Variants in SHPRH observed in about 807,000 individuals in gnomAD.
SHPRH encodes E3 ubiquitin-protein ligase SHPRH.
Under a neutral mutation model 202.5 loss-of-function variants are expected in SHPRH, and 106 were observed. The ratio of observed to expected loss-of-function variants is 0.52; its 90% CI spans 0.45 to 0.62. SHPRH has a LOEUF of 0.62. Ranked by LOEUF, SHPRH falls within the 20% of genes least tolerant of loss-of-function variation. The probability of loss-of-function intolerance (pLI) is 0.00; values close to 1 mark genes in which losing one functional copy is unlikely to be tolerated. For missense variants in SHPRH, 1,710 were observed against 2,020.0 expected (o/e 0.85, Z 2.94); for synonymous variants, 729 against 686.0 (o/e 1.06, Z -0.98).
At chr6:145,929,096 A>G (rs190387759) in intron 14 of SHPRH, among the ~76,000 whole-genome samples, 5 of 152,026 alleles carry the variant, frequency 3.3e-5, no homozygotes, top group African/African-American at 1.2e-4. Context: ...AAGCAGCTGA[A>G]TTTTATCTAT....
At chr6:145,900,595 ACAT>A (rs1782413549) in intron 25 of SHPRH, among the ~76,000 whole-genome samples, 1 of 152,138 alleles carries the variant, frequency 6.6e-6, no homozygotes, top group South Asian at 2.1e-4. Flanking sequence ...TGACTACAGT[ACAT>A]AATAATGTAT....
intron 23 of SHPRH, among the ~76,000 whole-genome samples, chr6:145,916,452 T>G (rs2128744188): frequency 6.6e-6 from 1 of 152,234 alleles, no homozygotes; most frequent in Non-Finnish European, 1.5e-5. Flanking sequence ...TTTCCATTGG[T>G]AATGCATAAA....
chr6:145,900,840 G>A (rs1215852171), intron 25 of SHPRH, among the ~76,000 whole-genome samples: 1 of 152,018 alleles, frequency 6.6e-6, no homozygotes, highest in Non-Finnish European at 1.5e-5. Flanking sequence ...TAAATATGCT[G>A]TATTGTGATT....
intron 25 of SHPRH, chr6:145,904,817 AATTT>A (rs769046034): frequency 6.6e-6 from 1 of 152,106 alleles, no homozygotes; most frequent in South Asian, 2.1e-4. Flanking sequence ...CTATAAACTT[AATTT>A]TTTTTAAAAG....
In SHPRH at chr6:145,919,342, AATT is replaced by A. The variant is rs1366454212; in HGVS notation, c.4152+3_4152+5del. On this transcript the variant is annotated splice_donor_5th_base_variant and intron_variant, in intron 22 of 29. Coordinates refer to ENST00000275233, the MANE Select transcript of SHPRH (RefSeq NM_001042683.3). ...TTCCCTTTTCTGTGATTTACTTGCC[AATT>A]ACCTCATGTGGTTCAATGATATGAA... 1.2e-6 allele frequency: 2 copies of A among 1,612,270 alleles called. No homozygotes were observed. Among genetic ancestry groups the A allele is most frequent in the Non-Finnish European group, 1.7e-6 (2 of 1,179,010 alleles).
At chr6:145,888,796 GTGGA>G (rs1781333451) in intron 28 of SHPRH, among the ~76,000 whole-genome samples, 1 of 152,174 alleles carries the variant, frequency 6.6e-6, no homozygotes, top group Admixed American at 6.5e-5. Context: ...GTAAGTAAGG[GTGGA>G]TGCACTATGG....
intron 23 of SHPRH, among the ~76,000 whole-genome samples, chr6:145,915,424 T>C (rs548539407): frequency 6.6e-6 from 1 of 152,030 alleles, no homozygotes; most frequent in East Asian, 1.9e-4. Flanking sequence ...GAAATAATTT[T>C]CCTTCCATCC....
intron 2 of SHPRH, chr6:145,876,827 C>T (rs747331533): frequency 2.6e-5 from 4 of 152,062 alleles, no homozygotes; most frequent in East Asian, 3.9e-4. Flanking sequence ...GCTCTAATCC[C>T]GTATGAATAG....
At chr6:145,938,162 C>T (rs1786322830) in intron 11 of SHPRH, among the ~76,000 whole-genome samples, 1 of 152,082 alleles carries the variant, frequency 6.6e-6, no homozygotes, top group African/African-American at 2.4e-5. Context: ...TTATATGTGA[C>T]TCAGTCATGA....
downstream of SHPRH, chr6:145,884,804 C>T (rs1023720002): frequency 6.6e-6 from 1 of 152,056 alleles, no homozygotes; most frequent in African/African-American, 2.4e-5. Context: ...AAGAATTCCA[C>T]AATTTTCATT....
At chr6:145,936,801 G>C (rs1582761896) in intron 11 of SHPRH, among the ~76,000 whole-genome samples, 1 of 152,132 alleles carries the variant, frequency 6.6e-6, no homozygotes, top group African/African-American at 2.4e-5. Context: ...GTTGCTGGGA[G>C]TTAGCAACAT....
At chr6:145,916,744 T>C (rs151149509) in intron 23 of SHPRH, among the ~76,000 whole-genome samples, 1 of 152,266 alleles carries the variant, frequency 6.6e-6, no homozygotes, top group African/African-American at 2.4e-5. Context: ...AAATCTTACA[T>C]TTAAAAAACT....
At chr6:145,902,442 G>T (rs1782582282) in intron 25 of SHPRH, among the ~76,000 whole-genome samples, 1 of 152,128 alleles carries the variant, frequency 6.6e-6, no homozygotes, top group Non-Finnish European at 1.5e-5. Flanking sequence ...GTTGTTAAAT[G>T]TGTTAAAATG....
chr6:145,881,929 C>T (rs777970977), downstream of SHPRH, among the ~76,000 whole-genome samples: 43 of 151,958 alleles, frequency 2.8e-4, no homozygotes, highest in African/African-American at 7.5e-4. Context: ...CATAGCGAAA[C>T]GCTGTCTCTA....
rs79791042 is a variant in SHPRH, at chr6:145,934,114, G to C, written c.2990+793C>G. 3.8e-3 allele frequency among the ~76,000 whole-genome samples: 582 copies of C among 152,186 alleles called. 5 individuals carry two copies. Among genetic ancestry groups the C allele is most frequent in the African/African-American group, 0.013 (557 of 41,510 alleles). On this transcript the variant is annotated intron_variant, in intron 13 of 29. Coordinates refer to ENST00000275233, the MANE Select transcript of SHPRH (RefSeq NM_001042683.3). ...AACAGTTTGAGAGGGTGAGACAGGA[G>C]GACTGCTTGGGGCCAGGTGTTCAGG...
At chr6:145,941,401 A>G (rs1440628928) in intron 10 of SHPRH, among the ~76,000 whole-genome samples, 2 of 152,226 alleles carry the variant, frequency 1.3e-5, no homozygotes, top group African/African-American at 2.4e-5. Context: ...TGAAAAATAT[A>G]TATTTCATAT....
At chr6:145,865,133 T>TA (rs1199586028) in intron 2 of SHPRH, among the ~76,000 whole-genome samples, 2 of 152,222 alleles carry the variant, frequency 1.3e-5, no homozygotes, top group African/African-American at 4.8e-5. Context: ...TTAAGCCTGT[T>TA]AGTTAGTTCA....
chr6:145,963,633 C>G (rs1269695262), intron 1 of SHPRH, 98 bp downstream of exon 1: 1 of 152,274 alleles, frequency 6.6e-6, no homozygotes, highest in African/African-American at 2.4e-5. Flanking sequence ...TGAGAAACCT[C>G]TGCCTCCCCT....
At chr6:145,952,304 C>A in intron 3 of SHPRH, 45 bp downstream of exon 3, 1 of 1,519,516 alleles carries the variant, frequency 6.6e-7, no homozygotes, top group Non-Finnish European at 8.9e-7. Context: ...AAAAAACTCA[C>A]AACTCCTAAG....
Sources: gnomAD v4.1 joint callset for allele counts (sites outside exome capture counted in the v4.1 genomes callset) on GRCh38, gnomAD v4.1.1 for gene constraint, MANE v1.5 for transcripts, NCBI Gene and HGNC (gene_info 2026-07-23, HGNC 2026-07-21) for gene names.